The following ACTR3 variants were observed in gnomAD, a reference collection of about 807,000 sequenced individuals.
ACTR3 encodes actin related protein 3, also known as actin-related protein 3.
Under a neutral mutation model 56.8 loss-of-function variants are expected in ACTR3, and 12 were observed. That is an observed-to-expected ratio of 0.21 (90% CI 0.14 to 0.34). The LOEUF is 0.34. Among genes scored for constraint, ACTR3 ranks in the 10% least tolerant of loss-of-function variants. The probability of loss-of-function intolerance (pLI) is 1.00; values close to 1 mark genes in which losing one functional copy is unlikely to be tolerated. For synonymous variants in ACTR3, 162 were observed against 167.4 expected, an observed-to-expected ratio of 0.97 and a Z score of 0.25; for missense variants, 282 against 512.5, an observed-to-expected ratio of 0.55 and a Z score of 4.34.
At chr2:113,923,025 G>A (rs531959957) in intron 3 of ACTR3, among the ~76,000 whole-genome samples, 10 of 152,326 alleles carry the variant, frequency 6.6e-5, no homozygotes, top group African/African-American at 2.2e-4. Context: ...TCAGTCAGTC[G>A]AGAGGCCAGA....
At chr2:113,895,080 C>T (rs1678982588) in intron 1 of ACTR3, among the ~76,000 whole-genome samples, 3 of 129,694 alleles carry the variant, frequency 2.3e-5, no homozygotes, top group East Asian at 5.4e-4. Context: ...ACCCCCCTGC[C>T]GATATGTGAA....
rs1310323876 is a variant in ACTR3 at position 113,961,622 on chromosome 2, G to A, written c.*4167G>A. Reference sequence around the variant, plus strand: ...ACCTATATATTGCATCAAGTTTTGAGCCTTCAATCCCAGAAGCATTGATTG... The same window carrying A: ...ACCTATATATTGCATCAAGTTTTGAACCTTCAATCCCAGAAGCATTGATTG... On this transcript the variant is annotated 3_prime_UTR_variant, in exon 12 of 12. Transcript: ENST00000263238. The A allele has an allele frequency of 2.0e-5, 3 of 151,864 alleles. No homozygotes were observed. The highest frequency in any genetic ancestry group is 1.3e-4 in the Admixed American group (2 of 15,220). 9.4% of individuals were successfully genotyped at this position (151,864 alleles called of 1,614,324 possible). A position where few individuals can be genotyped will look rare whatever the true frequency, so the allele number is the denominator to read the frequency against.
intron 6 of ACTR3, among the ~76,000 whole-genome samples, chr2:113,936,392 A>G (rs1039719913): frequency 2.0e-5 from 3 of 148,098 alleles, no homozygotes; most frequent in African/African-American, 7.5e-5. Flanking sequence ...TTAGTAGAGT[A>G]TTTTTTATTA....
In ACTR3 at chr2:113,957,705, C is replaced by T. The variant is rs531534965; in HGVS notation, c.*250C>T. Reference sequence around the variant, plus strand: ...TAACAAAAAGAAGTGGGTTTTAGTTCTTTCTGTGCCCTGATATTTTGTATA... The same window carrying T: ...TAACAAAAAGAAGTGGGTTTTAGTTTTTTCTGTGCCCTGATATTTTGTATA... On this transcript the variant is annotated 3_prime_UTR_variant, in exon 12 of 12. Transcript: ENST00000263238. The T allele has an allele frequency of 2.7e-5, 11 of 413,440 alleles. No homozygotes were observed. Among genetic ancestry groups the T allele is most frequent in the African/African-American group, 2.2e-4 (11 of 50,648 alleles). 25.6% of individuals were successfully genotyped at this position (413,440 alleles called of 1,614,324 possible).
chr2:113,891,255 T>C (rs938942954), intron 1 of ACTR3, among the ~76,000 whole-genome samples: 4 of 152,170 alleles, frequency 2.6e-5, no homozygotes, highest in African/African-American at 9.7e-5. Flanking sequence ...TAAACTAATT[T>C]AAGTTGTATT....
chr2:113,958,246 ATTTCT>A lies in ACTR3; in HGVS notation c.*795_*799del, dbSNP rs1680258995. On this transcript the variant is annotated 3_prime_UTR_variant, in exon 12 of 12. Transcript: ENST00000263238. The stretch of plus-strand genomic sequence containing the variant: ...GCCTAACATTCTAATAAAGGCACAA[ATTTCT>A]TTTTAATACTTGTTTCAGCCTCTTT... 2 of 152,718 alleles carry A rather than the reference ATTTCT, an allele frequency of 1.3e-5. No individual in the cohort carries two copies. Among genetic ancestry groups the A allele is most frequent in the South Asian group, 2.1e-4 (1 of 4,834 alleles). 9.5% of individuals were successfully genotyped at this position (152,718 alleles called of 1,614,324 possible).
Position 113,951,511 on chromosome 2 carries a change from A to T in ACTR3, c.891A>T (p.Ser297=). The change falls in exon 9 of 12, where the codon TCA becomes TCT. Residue 297 remains serine, a synonymous_variant. Transcript: ENST00000263238. Reference sequence around the variant, plus strand: ...ATCCAGACTTTACACAACCTATCTCAGAAGTTGTAGATGAAGTAATTCAGA... The same window carrying T: ...ATCCAGACTTTACACAACCTATCTCTGAAGTTGTAGATGAAGTAATTCAGA... ...FANPDFTQPI[S]EVVDEVIQNC... 6.2e-7 allele frequency: 1 copy of T among 1,612,008 alleles called. No homozygotes were observed.
intron 1 of ACTR3, among the ~76,000 whole-genome samples, chr2:113,907,233 G>A (rs2104588229): frequency 6.6e-6 from 1 of 152,240 alleles, no homozygotes; most frequent in East Asian, 1.9e-4. Context: ...GGGAGAAGGT[G>A]CTTTTATGAA....
chr2:113,916,827 A>G, intron 2 of ACTR3, 57 bp from the exon 3 acceptor site: 1 of 1,498,684 alleles, frequency 6.7e-7, no homozygotes, highest in Non-Finnish European at 9.0e-7. Flanking sequence ...GTGTAAGGTA[A>G]AAGTTTTTCT....
intron 1 of ACTR3, among the ~76,000 whole-genome samples, chr2:113,909,509 T>C (rs1679262454): frequency 6.6e-6 from 1 of 152,116 alleles, no homozygotes; most frequent in South Asian, 2.1e-4. Context: ...GTGTGGCTTA[T>C]GGTTGAAATG....
At chr2:113,944,056 G>A (rs896544916) in intron 8 of ACTR3, among the ~76,000 whole-genome samples, 8 of 152,160 alleles carry the variant, frequency 5.3e-5, no homozygotes, top group Non-Finnish European at 1.2e-4. Context: ...TTTCAAGAAG[G>A]GAGGGTAAAT....
chr2:113,942,739 A>G (rs1679947719), intron 8 of ACTR3, among the ~76,000 whole-genome samples: 1 of 152,044 alleles, frequency 6.6e-6, no homozygotes, highest in South Asian at 2.1e-4. Flanking sequence ...ATTTGTGTAA[A>G]ATGACCATTA....
intron 1 of ACTR3, among the ~76,000 whole-genome samples, chr2:113,899,106 G>A (rs1159674998): frequency 6.6e-6 from 1 of 152,168 alleles, no homozygotes; most frequent in Non-Finnish European, 1.5e-5. Context: ...TTAGTGACCA[G>A]TTCACTGATT....
Position 113,927,396 on chromosome 2 carries a change from A to G in ACTR3, c.277A>G (p.Met93Val). The part of the protein sequence containing the change: ...VEDWDLMERF[M>V]EQVIFKYLRA... ...AGATTGGGACTTAATGGAAAGGTTT[A>G]TGGAGCAAGTGATCTTTAAATATTT... The change falls in exon 4 of 12, where the codon ATG (methionine) becomes GTG (valine). Residue 93 changes from methionine (M) to valine (V), a missense_variant. Coordinates refer to ENST00000263238, the MANE Select transcript of ACTR3 (RefSeq NM_005721.5). 1 of 1,596,766 alleles carries G rather than the reference A, an allele frequency of 6.3e-7. No homozygotes were observed. Among genetic ancestry groups the G allele is most frequent in the Non-Finnish European group, 8.6e-7 (1 of 1,169,540 alleles).
chr2:113,914,353 C>T (rs6740522), intron 2 of ACTR3, among the ~76,000 whole-genome samples: 11,189 of 152,200 alleles, frequency 0.074, 461 homozygotes, highest in African/African-American at 0.1. Flanking sequence ...TGGCTCACGC[C>T]TGTAATCCCA....
At position 113,958,979 on chromosome 2, in the gene ACTR3, A is replaced by G. The variant is rs569381319; in HGVS notation, c.*1524A>G. ...TAAAATCCTATAATAATTTTTGTGA[A>G]TCTTCATTCTTTGAGTATGGGATTG... On this transcript the variant is annotated 3_prime_UTR_variant, in exon 12 of 12. Transcript: ENST00000263238. 6.6e-6 allele frequency: 1 copy of G among 152,108 alleles called. No individual in the cohort carries two copies. The highest frequency in any genetic ancestry group is 1.5e-5 in the Non-Finnish European group (1 of 67,880). The allele number at this position is 152,108 out of a possible 1,614,324, so 9.4% of individuals were successfully genotyped here. A position where few individuals can be genotyped will look rare whatever the true frequency, so the allele number is the denominator to read the frequency against.
intron 1 of ACTR3, among the ~76,000 whole-genome samples, chr2:113,895,059 TCCC>T (rs61667793): frequency 2.7e-5 from 3 of 111,460 alleles, no homozygotes; most frequent in African/African-American, 1.0e-4. Context: ...TGGTTTAGGT[TCCC>T]CCCCCCCACC....
intron 1 of ACTR3, 164 bp downstream of exon 1, chr2:113,890,487 CG>C: frequency 7.7e-7 from 1 of 1,296,956 alleles, no homozygotes; most frequent in Non-Finnish European, 1.0e-6. Flanking sequence ...CAGGGCCTCG[CG>C]GGTCCCCTCG....
At chr2:113,901,898 A>C (rs1364989719) in intron 1 of ACTR3, among the ~76,000 whole-genome samples, 1 of 152,220 alleles carries the variant, frequency 6.6e-6, no homozygotes, top group Non-Finnish European at 1.5e-5. Context: ...AAGCATTTGC[A>C]ATTTGTAAAA....
Sources: gnomAD v4.1 joint callset for allele counts (sites outside exome capture counted in the v4.1 genomes callset) on GRCh38, gnomAD v4.1.1 for gene constraint, MANE v1.5 for transcripts, NCBI Gene and HGNC (gene_info 2026-07-23, HGNC 2026-07-21) for gene names.